The following ITPR2 variants were observed in gnomAD, a reference collection of about 807,000 sequenced individuals.
The protein encoded by ITPR2 is inositol 1,4,5-trisphosphate receptor type 2.
ITPR2 carries 207 observed loss-of-function variants against 317.1 expected under a neutral mutation model. The ratio of observed to expected loss-of-function variants is 0.65; its 90% CI spans 0.58 to 0.73. ITPR2 has a LOEUF of 0.73. Ranked by LOEUF, ITPR2 falls within the 30% of genes least tolerant of loss-of-function variation. The pLI is 0.00. For synonymous variants in ITPR2, 1,156 were observed against 1,149.1 expected, an observed-to-expected ratio of 1.01 and a Z score of -0.12; for missense variants, 2,613 against 3,284.0, an observed-to-expected ratio of 0.80 and a Z score of 4.99.
chr12:26,533,618 A>T (rs569134539), intron 37 of ITPR2, among the ~76,000 whole-genome samples: 16 of 152,214 alleles, frequency 1.1e-4, no homozygotes, highest in Non-Finnish European at 2.4e-4. Context: ...ATTAGGGTGG[A>T]CCCTAATTCA....
At chr12:26,509,273 G>A (rs1282742300) in intron 37 of ITPR2, among the ~76,000 whole-genome samples, 1 of 152,150 alleles carries the variant, frequency 6.6e-6, no homozygotes, top group Non-Finnish European at 1.5e-5. Context: ...AAGAGGCATG[G>A]GGTTTCTTTT....
intron 2 of ITPR2, among the ~76,000 whole-genome samples, chr12:26,739,392 G>A (rs1243023541): frequency 6.6e-6 from 1 of 152,162 alleles, no homozygotes; most frequent in African/African-American, 2.4e-5. Flanking sequence ...CCAAAAATGG[G>A]GGAAAACAAA....
At chr12:26,456,909 T>C (rs1475472399) in intron 45 of ITPR2, among the ~76,000 whole-genome samples, 1 of 152,158 alleles carries the variant, frequency 6.6e-6, no homozygotes. Flanking sequence ...CCTGACATCA[T>C]GATCTGCCTG....
intron 47 of ITPR2, 52 bp from the exon 48 acceptor site, chr12:26,436,398 C>A: frequency 6.5e-7 from 1 of 1,535,558 alleles, no homozygotes; most frequent in South Asian, 1.3e-5. Context: ...ATTTTGGTTT[C>A]AACACATGAA....
intron 9 of ITPR2, among the ~76,000 whole-genome samples, chr12:26,706,798 G>A (rs999482345): frequency 3.3e-5 from 5 of 152,090 alleles, no homozygotes; most frequent in African/African-American, 1.2e-4. Flanking sequence ...CTGGATAAAA[G>A]TCAAACCCTT....
chr12:26,450,230 C>T (rs1303966356), intron 45 of ITPR2, among the ~76,000 whole-genome samples: 1 of 152,180 alleles, frequency 6.6e-6, no homozygotes, highest in Non-Finnish European at 1.5e-5. Context: ...AAATGTCTGT[C>T]ATTGTGAACT....
chr12:26,403,749 C>T (rs565630085), intron 52 of ITPR2, among the ~76,000 whole-genome samples: 2 of 152,140 alleles, frequency 1.3e-5, no homozygotes, highest in South Asian at 2.1e-4. Flanking sequence ...GTAGTAGAAT[C>T]GAGTTTGCCT....
intron 21 of ITPR2, among the ~76,000 whole-genome samples, chr12:26,636,154 T>C (rs932777868): frequency 2.0e-5 from 3 of 152,210 alleles, no homozygotes; most frequent in Admixed American, 1.3e-4. Context: ...TGTGTTCTTG[T>C]GTCCAGACGG....
intron 55 of ITPR2, among the ~76,000 whole-genome samples, chr12:26,359,314 C>T (rs567011623): frequency 6.6e-6 from 1 of 152,256 alleles, no homozygotes; most frequent in East Asian, 1.9e-4. Flanking sequence ...GTCTGTGCAC[C>T]ATATTAATGC....
Position 26,656,401 on chromosome 12 carries a change from GC to G in ITPR2, c.2339del (p.Arg780ProfsTer40), listed in dbSNP as rs761344801. ...LPFDLRASFC[R>X]LMLHMHVDRD... ...GGTCAACGTGCATGTGGAGCATGAG[GC>G]GACAGAAGGACGCTCGGAGGTCGAA... On this transcript the variant is annotated frameshift_variant, in exon 19 of 57. Transcript: ENST00000381340. LOFTEE classifies it high-confidence loss of function. 1 of 1,614,192 alleles carries G rather than the reference GC, an allele frequency of 6.2e-7. No individual in the cohort carries two copies. Among genetic ancestry groups the G allele is most frequent in the South Asian group, 1.1e-5 (1 of 91,076 alleles).
intron 2 of ITPR2, among the ~76,000 whole-genome samples, chr12:26,752,861 T>C (rs1949450586): frequency 6.6e-6 from 1 of 152,044 alleles, no homozygotes; most frequent in South Asian, 2.1e-4. Context: ...GGGTAAGTGG[T>C]GGTGTCCTAT....
chr12:26,676,419 G>A (rs1321139610), intron 13 of ITPR2, among the ~76,000 whole-genome samples: 2 of 151,322 alleles, frequency 1.3e-5, no homozygotes, highest in Non-Finnish European at 2.9e-5. Context: ...GGAGGTTGCA[G>A]TGAGCCAAGA....
At chr12:26,658,540 T>C (rs1947424872) in intron 16 of ITPR2, among the ~76,000 whole-genome samples, 1 of 152,226 alleles carries the variant, frequency 6.6e-6, no homozygotes, top group Admixed American at 6.5e-5. Flanking sequence ...TATGACCTGG[T>C]CAAGTCAGAG....
At chr12:26,752,638 G>C (rs1447370618) in intron 2 of ITPR2, among the ~76,000 whole-genome samples, 1 of 152,188 alleles carries the variant, frequency 6.6e-6, no homozygotes, top group African/African-American at 2.4e-5. Context: ...TGCTGCACTT[G>C]GGGCTGCTCT....
chr12:26,621,035 T>C (rs1946480032), intron 26 of ITPR2, 88 bp downstream of exon 26: 1 of 1,231,994 alleles, frequency 8.1e-7, no homozygotes, highest in Non-Finnish European at 1.1e-6. Context: ...TTTTTCTTTA[T>C]GAACAATTTT....
Position 26,400,382 on chromosome 12 carries a change from C to A in ITPR2, c.7400-124G>T, listed in dbSNP as rs187278192. ...ATATACATAAGTATGTAAATTTATACACATATGTAAATATACATACAATAA... is the reference window on the plus strand; with the variant it reads ...ATATACATAAGTATGTAAATTTATAAACATATGTAAATATACATACAATAA... On this transcript the variant is annotated intron_variant, in intron 52 of 56. Transcript: ENST00000381340. 138 of 394,684 alleles carry A rather than the reference C, an allele frequency of 3.5e-4. No homozygotes were observed. In the East Asian group the frequency reaches 5.5e-3, roughly 16 times the overall value. 24.4% of individuals were successfully genotyped at this position (394,684 alleles called of 1,614,324 possible). A position where few individuals can be genotyped will look rare whatever the true frequency, so the allele number is the denominator to read the frequency against.
At chr12:26,658,439 TC>T (rs1381502063) in intron 16 of ITPR2, among the ~76,000 whole-genome samples, 1 of 152,180 alleles carries the variant, frequency 6.6e-6, no homozygotes, top group South Asian at 2.1e-4. Context: ...AAAGTGAGTC[TC>T]CCCAGAGCTG....
chr12:26,483,872 T>C lies in ITPR2; in HGVS notation c.5838A>G (p.Lys1946=). The C allele has an allele frequency of 6.2e-7, 1 of 1,614,158 alleles. No individual in the cohort carries two copies. Among genetic ancestry groups the C allele is most frequent in the East Asian group, 2.2e-5 (1 of 44,882 alleles). The change falls in exon 42 of 57, where the codon AAA becomes AAG. Residue 1946 remains lysine, a synonymous_variant. Transcript: ENST00000381340. ...TCTCACAGACTAGGTTGTAATTTGTTTTGTTGTTTTGATTCCTCAAGAAGT... is the reference window on the plus strand; with the variant it reads ...TCTCACAGACTAGGTTGTAATTTGTCTTGTTGTTTTGATTCCTCAAGAAGT... The part of the protein sequence containing the change: ...LQNFLRNQNN[K]TNYNLVCETL...
intron 10 of ITPR2, among the ~76,000 whole-genome samples, chr12:26,690,804 G>C (rs1322944738): frequency 1.3e-5 from 2 of 152,122 alleles, no homozygotes; most frequent in Non-Finnish European, 2.9e-5. Context: ...AAACTCACCA[G>C]TTAGGGTTAA....
Sources: gnomAD v4.1 joint callset for allele counts (sites outside exome capture counted in the v4.1 genomes callset) on GRCh38, gnomAD v4.1.1 for gene constraint, MANE v1.5 for transcripts, NCBI Gene and HGNC (gene_info 2026-07-23, HGNC 2026-07-21) for gene names.